Variants in SPC25 observed in about 807,000 individuals in gnomAD.
SPC25 encodes kinetochore protein Spc25.
A neutral mutation model predicts 29.6 loss-of-function variants in SPC25; 22 were observed. The ratio of observed to expected loss-of-function variants is 0.74; its 90% CI spans 0.53 to 1.06. The LOEUF (loss-of-function observed/expected upper bound fraction) is 1.06. Among genes scored for constraint, SPC25 ranks in the 50% least tolerant of loss-of-function variants. SPC25 has a pLI of 0.00. For missense variants in SPC25, 230 were observed against 255.8 expected, an observed-to-expected ratio of 0.90 and a Z score of 0.69; for synonymous variants, 91 against 90.4, an observed-to-expected ratio of 1.01 and a Z score of -0.04.
intron 3 of SPC25, among the ~76,000 whole-genome samples, chr2:168,879,198 T>C (rs1443969676): frequency 2.6e-5 from 4 of 152,222 alleles, no homozygotes. Context: ...CAATAAAGTT[T>C]GCTGCATTAA....
rs767102256 is a variant in SPC25 at position 168,864,854 on chromosome 2, G to A, written n.419+8731C>T. On this transcript the variant is annotated intron_variant and non_coding_transcript_variant, in intron 4 of 4. Transcript: ENST00000479309. ...CACAGGTGACATTGTGATTATACAC[G>A]AGAAAAAAGAAGGAGGATGGTGGTT... 4.3e-6 allele frequency: 7 copies of A among 1,613,846 alleles called. No homozygotes were observed. In the Admixed American group the frequency reaches 5.0e-5, roughly 12 times the overall value.
Position 168,880,903 on chromosome 2 carries a change from A to T in SPC25, c.200-3519T>A, listed in dbSNP as rs527880413. ...CATTCATGGCACTTAAAACAATTACAATAGTAACGTCAAAGATCACTGATC... is the reference window on the plus strand; with the variant it reads ...CATTCATGGCACTTAAAACAATTACTATAGTAACGTCAAAGATCACTGATC... On this transcript the variant is annotated intron_variant, in intron 3 of 6. Coordinates refer to ENST00000282074, the MANE Select transcript of SPC25 (RefSeq NM_020675.4). 6.6e-5 allele frequency among the ~76,000 whole-genome samples: 10 copies of T among 152,306 alleles called. No individual in the cohort carries two copies. In the South Asian group the frequency reaches 1.5e-3, roughly 22 times the overall value.
chr2:168,886,766 G>A (rs191075031), intron 3 of SPC25, among the ~76,000 whole-genome samples: 12 of 152,110 alleles, frequency 7.9e-5, no homozygotes, highest in East Asian at 5.8e-4. Context: ...TGATCCGCCC[G>A]CCTCAGCCTC....
chr2:168,874,565 G>A (rs2105824536), intron 5 of SPC25, among the ~76,000 whole-genome samples: 1 of 152,240 alleles, frequency 6.6e-6, no homozygotes, highest in Non-Finnish European at 1.5e-5. Context: ...GGCTGCTGTG[G>A]TCTTTTTTAT....
In SPC25 at chr2:168,861,877, C is replaced by T. The variant is rs1199105252; in HGVS notation, n.419+11708G>A. On this transcript the variant is annotated intron_variant and non_coding_transcript_variant, in intron 4 of 4. Transcript: ENST00000479309. ...TTTAATATATTGAAACTCTGCATCA[C>T]ACTGTTAAATAACCAAAGAGCTTCA... The T allele has an allele frequency of 3.2e-6, 4 of 1,232,770 alleles. No individual in the cohort carries two copies. In the South Asian group the frequency reaches 3.9e-5, roughly 12 times the overall value. The allele number at this position is 1,232,770 out of a possible 1,614,324, so 76.4% of individuals were successfully genotyped here. A position where few individuals can be genotyped will look rare whatever the true frequency, so the allele number is the denominator to read the frequency against.
At chr2:168,884,691 G>C (rs1159707426) in intron 3 of SPC25, among the ~76,000 whole-genome samples, 6 of 151,968 alleles carry the variant, frequency 3.9e-5, no homozygotes, top group Admixed American at 3.9e-4. Context: ...GTCTTTCCTG[G>C]TCGTTTCCAT....
intron 4 of SPC25, among the ~76,000 whole-genome samples, chr2:168,864,591 G>GTCTT (rs144766770): frequency 3.9e-4 from 60 of 152,256 alleles, no homozygotes; most frequent in African/African-American, 1.3e-3. Flanking sequence ...AGCCAATCCT[G>GTCTT]TCTTTAAGCA....
intron 3 of SPC25, among the ~76,000 whole-genome samples, 163 bp from the exon 4 acceptor site, chr2:168,877,547 A>G (rs527420851): frequency 1.3e-5 from 2 of 152,212 alleles, no homozygotes; most frequent in South Asian, 4.1e-4. Context: ...AAGAAAAAAA[A>G]CCTAATCTAT....
chr2:168,869,291 C>T (rs141494538), downstream of SPC25, among the ~76,000 whole-genome samples: 5,453 of 152,094 alleles, frequency 0.036, 302 homozygotes, highest in African/African-American at 0.12. Context: ...CTTTGAAAAC[C>T]GGCACAAGAC....
At chr2:168,862,373 A>G (rs912813844) in intron 4 of SPC25, among the ~76,000 whole-genome samples, 7 of 151,804 alleles carry the variant, frequency 4.6e-5, no homozygotes, top group African/African-American at 1.7e-4. Context: ...CTAATGTCAC[A>G]GGCTGTGGCA....
rs561705757 is a variant in SPC25, at chr2:168,888,517, T to C, written c.199+709A>G. ...TTGCAGTGAGCCAAGATCGCGCCAC[T>C]GCACTCCAGCCTGGGCAACAGAGCG... On this transcript the variant is annotated intron_variant, in intron 3 of 6. Coordinates refer to ENST00000282074, the MANE Select transcript of SPC25 (RefSeq NM_020675.4). Among the ~76,000 whole-genome samples the C allele has an allele frequency of 2.5e-4, 38 of 152,198 alleles. 2 individuals are homozygous for C. In the South Asian group the frequency reaches 7.7e-3, roughly 31 times the overall value.
chr2:168,869,461 T>C (rs555695912), downstream of SPC25, among the ~76,000 whole-genome samples: 77 of 152,284 alleles, frequency 5.1e-4, no homozygotes, highest in East Asian at 3.1e-3. Flanking sequence ...GAAAACCCCA[T>C]CGTCTCAGCC....
chr2:168,878,621 C>T (rs779845786), intron 3 of SPC25, among the ~76,000 whole-genome samples: 4 of 152,104 alleles, frequency 2.6e-5, no homozygotes, highest in Non-Finnish European at 5.9e-5. Context: ...AGACAATAGA[C>T]ATCTATCTAG....
intron 5 of SPC25, among the ~76,000 whole-genome samples, chr2:168,875,154 AAT>A (rs1690063650): frequency 6.6e-6 from 1 of 152,194 alleles, no homozygotes; most frequent in Admixed American, 6.6e-5. Flanking sequence ...ACTGGTTTAC[AAT>A]AGTCCCCCTT....
downstream of SPC25, among the ~76,000 whole-genome samples, chr2:168,869,172 A>G (rs1428947875): frequency 2.0e-5 from 3 of 152,070 alleles, no homozygotes; most frequent in Admixed American, 6.6e-5. Flanking sequence ...CATGCTAAAA[A>G]CTCTCAATAA....
rs770590545 is a variant in SPC25 at position 168,889,300 on chromosome 2, G to A, written c.134-9C>T. On this transcript the variant is annotated splice_polypyrimidine_tract_variant and intron_variant, in intron 2 of 6. Transcript: ENST00000282074. ...TTTCACAGACAGCTTTTCTGAAAGAGAAATTGAACTTTCAATTCAGCTGCA... is the reference window on the plus strand; with the variant it reads ...TTTCACAGACAGCTTTTCTGAAAGAAAAATTGAACTTTCAATTCAGCTGCA... The A allele has an allele frequency of 5.1e-5, 83 of 1,613,358 alleles. No individual in the cohort carries two copies. Among genetic ancestry groups the A allele is most frequent in the Non-Finnish European group, 7.0e-5 (82 of 1,179,808 alleles).
rs188323822 is a variant in SPC25 at position 168,887,349 on chromosome 2, A to G, written c.199+1877T>C. On this transcript the variant is annotated intron_variant, in intron 3 of 6. Coordinates refer to ENST00000282074, the MANE Select transcript of SPC25 (RefSeq NM_020675.4). ...AGGCAGGAGAATCACTTGAACCCAG[A>G]AGGCAAAGGTTGCAGTGAGCCGAGA... is the stretch of plus-strand genomic sequence containing the variant. Among the ~76,000 whole-genome samples the G allele has an allele frequency of 3.6e-3, 546 of 151,808 alleles. 11 individuals are homozygous for G. Among genetic ancestry groups the G allele is most frequent in the Admixed American group, 0.025 (382 of 15,218 alleles).
intron 3 of SPC25, among the ~76,000 whole-genome samples, chr2:168,886,660 T>C (rs149549446): frequency 0.016 from 2,498 of 151,906 alleles, 75 homozygotes; most frequent in African/African-American, 0.057. Flanking sequence ...GCTGGGACCA[T>C]AGGCGCCGGC....
chr2:168,868,323 A>C (rs1281119728), downstream of SPC25, among the ~76,000 whole-genome samples: 2 of 152,214 alleles, frequency 1.3e-5, no homozygotes, highest in Non-Finnish European at 2.9e-5. Flanking sequence ...ACACATTCAA[A>C]AGCTAGCAAA....
Sources: allele counts gnomAD v4.1 joint callset (sites outside exome capture counted in the v4.1 genomes callset), GRCh38; gene constraint gnomAD v4.1.1; transcripts MANE v1.5; gene names NCBI Gene and HGNC (gene_info 2026-07-23, HGNC 2026-07-21).